The following TRPM1 variants were observed in gnomAD, a reference collection of about 807,000 sequenced individuals.
The protein encoded by TRPM1 is TRPM1-203 APA Isoform, Intron 10.
A neutral mutation model predicts 149.4 loss-of-function variants in TRPM1; 113 were observed. The ratio of observed to expected loss-of-function variants is 0.76; its 90% CI spans 0.65 to 0.88. The LOEUF (loss-of-function observed/expected upper bound fraction) is 0.88. Ranked by LOEUF, TRPM1 falls within the 40% of genes least tolerant of loss-of-function variation. TRPM1 has a pLI of 0.00. For synonymous variants in TRPM1, 741 were observed against 759.5 expected (o/e 0.98, Z 0.40); for missense variants, 1,976 against 2,038.7 (o/e 0.97, Z 0.59).
intron 27 of TRPM1, among the ~76,000 whole-genome samples, chr15:31,016,804 C>T: frequency 6.6e-6 from 1 of 152,086 alleles, no homozygotes; most frequent in East Asian, 1.9e-4. Context: ...CTACTAAAGT[C>T]ACGAGGAGCC....
At chr15:31,071,244 T>G (rs1273364823) in intron 3 of TRPM1, among the ~76,000 whole-genome samples, 1 of 152,132 alleles carries the variant, frequency 6.6e-6, no homozygotes, top group Non-Finnish European at 1.5e-5. Context: ...GATGCCTTGG[T>G]GGAGATGGAA....
At chr15:31,034,289 G>A (rs1032821850) in intron 21 of TRPM1, among the ~76,000 whole-genome samples, 2 of 152,198 alleles carry the variant, frequency 1.3e-5, no homozygotes, top group Non-Finnish European at 2.9e-5. Context: ...ATGTGAGATG[G>A]TATCTGTTCT....
At chr15:31,110,909 C>T (rs112667621) in intron 1 of TRPM1, among the ~76,000 whole-genome samples, 1 of 150,658 alleles carries the variant, frequency 6.6e-6, no homozygotes, top group Admixed American at 6.6e-5. Flanking sequence ...CTCTCCCCCC[C>T]CTTCCCTCCC....
chr15:31,113,543 C>T (rs1212476911), intron 1 of TRPM1, among the ~76,000 whole-genome samples: 1 of 150,570 alleles, frequency 6.6e-6, no homozygotes, highest in African/African-American at 2.5e-5. Context: ...TTTCTTTGTA[C>T]TCCTAAAATG....
At chr15:31,105,275 A>T (rs2141019256), upstream of TRPM1, among the ~76,000 whole-genome samples, 1 of 152,308 alleles carries the variant, frequency 6.6e-6, no homozygotes, top group East Asian at 1.9e-4. Flanking sequence ...GATGTTTGGG[A>T]TCATCTTGTA....
At position 31,002,768 on chromosome 15, in the gene TRPM1, A is replaced by G. The variant is rs1166055655; in HGVS notation, c.3932T>C (p.Leu1311Pro). The stretch of plus-strand genomic sequence containing the variant: ...GACTCCTGTCCCTGGTGACGTGGAG[A>G]GAGATGTATCCTCAAATAATAACTC... The part of the protein sequence containing the change: ...GEELLFEDTS[L>P]STSPGTGVRK... Residue 1311 changes from leucine (L) to proline (P), a missense_variant, in exon 28 of 28, where the codon CTC (leucine) becomes CCC (proline). By Grantham distance (98) the Leu-to-Pro change is moderately conservative. Transcript: ENST00000256552. The G allele has an allele frequency of 6.2e-7, 1 of 1,614,186 alleles. No homozygotes were observed. Among genetic ancestry groups the G allele is most frequent in the Admixed American group, 1.7e-5 (1 of 60,028 alleles).
intron 1 of TRPM1, among the ~76,000 whole-genome samples, chr15:31,127,526 G>C (rs184226082): frequency 9.6e-4 from 146 of 152,326 alleles, no homozygotes; most frequent in Non-Finnish European, 1.6e-3. Flanking sequence ...TGGCAGCTGA[G>C]GGCAGCCCAG....
chr15:31,026,434 A>G, intron 26 of TRPM1, 163 bp from the exon 27 acceptor site: 5 of 873,208 alleles, frequency 5.7e-6, no homozygotes, highest in Middle Eastern at 6.3e-4. Context: ...AGGGGTTGTC[A>G]TACGCCCCAA....
intron 1 of TRPM1, 40 bp from the exon 2 acceptor site, chr15:31,081,478 G>T: frequency 2.3e-6 from 3 of 1,318,336 alleles, no homozygotes; most frequent in Non-Finnish European, 3.1e-6. Context: ...CACTTTGCCT[G>T]CAGCCTCTTT....
rs2032280888 is a variant in TRPM1 at position 31,014,180 on chromosome 15, TA to T, written c.3630-11111del. 2.6e-5 allele frequency among the ~76,000 whole-genome samples: 4 copies of T among 152,356 alleles called. No homozygotes were observed. The South Asian group carries it at 8.3e-4, about 32-fold the overall frequency. On this transcript the variant is annotated intron_variant, in intron 27 of 27. Coordinates refer to ENST00000256552, the MANE Select transcript of TRPM1 (RefSeq NM_001252024.2). The stretch of plus-strand genomic sequence containing the variant: ...CAGTTTTTCTCCCTAGTTTTTTGGT[TA>T]GTCTATTGTTTGCCCCAGCTGTCAT...
Position 31,026,057 on chromosome 15 carries a change from A to C in TRPM1, c.3629+82T>G, listed in dbSNP as rs1566995754. ...GAACTCGGAGTGCATGTTTAAATGA[A>C]CTCTGGCATCCCCCATAGAGTGGGG... is the stretch of plus-strand genomic sequence containing the variant. On this transcript the variant is annotated intron_variant, in intron 27 of 27. Coordinates refer to ENST00000256552, the MANE Select transcript of TRPM1 (RefSeq NM_001252024.2). 6 of 1,581,386 alleles carry C rather than the reference A, an allele frequency of 3.8e-6. No homozygotes were observed. In the African/African-American group the frequency reaches 4.0e-5, roughly 11 times the overall value.
At chr15:31,149,640 C>T (rs2036269190) in intron 1 of TRPM1, among the ~76,000 whole-genome samples, 1 of 152,010 alleles carries the variant, frequency 6.6e-6, no homozygotes, top group East Asian at 1.9e-4. Flanking sequence ...CTGCCTCAGC[C>T]TCCCGAGTAG....
chr15:31,012,029 G>A (rs1012742747), intron 27 of TRPM1, among the ~76,000 whole-genome samples: 1 of 152,006 alleles, frequency 6.6e-6, no homozygotes, highest in Admixed American at 6.6e-5. Context: ...CTCCCCCCAT[G>A]TTATTCTGTT....
Position 31,038,054 on chromosome 15 carries a change from T to C in TRPM1, c.2429A>G (p.Glu810Gly), listed in dbSNP as rs940968387. The change falls in exon 19 of 28, where the codon GAG becomes GGG. Residue 810 changes from glutamate (E) to glycine (G), a missense_variant. Glu to Gly is a moderately conservative substitution (Grantham distance 98). Transcript: ENST00000256552. The stretch of plus-strand genomic sequence containing the variant: ...AAGTGTGTCACTGACCGTATTTTCC[T>C]CTTCTTTTTCTTTGCCATCCTCATT... ...KENEDGKEKE[E>G]ENTDANADAG... The C allele has an allele frequency of 1.9e-6, 3 of 1,614,090 alleles. No homozygotes were observed. Among genetic ancestry groups the C allele is most frequent in the Admixed American group, 1.7e-5 (1 of 60,010 alleles).
chr15:31,069,694 C>A (rs1478747133), intron 4 of TRPM1: 2 of 1,417,488 alleles, frequency 1.4e-6, no homozygotes, highest in African/African-American at 2.9e-5. Flanking sequence ...AAGGGGGCTG[C>A]AGGTCCACAG....
At chr15:31,140,377 T>TAAA (rs200856663) in intron 1 of TRPM1, among the ~76,000 whole-genome samples, 1 of 146,478 alleles carries the variant, frequency 6.8e-6, no homozygotes. Flanking sequence ...AGAATCCGTC[T>TAAA]AAAAAAAAAA....
intron 1 of TRPM1, among the ~76,000 whole-genome samples, chr15:31,088,088 G>T (rs1055985177): frequency 6.6e-6 from 1 of 152,220 alleles, no homozygotes; most frequent in Non-Finnish European, 1.5e-5. Context: ...TCTGGGTCGG[G>T]TGGGGACTTG....
At chr15:31,156,037 A>C (rs1276168329) in intron 1 of TRPM1, among the ~76,000 whole-genome samples, 2 of 151,828 alleles carry the variant, frequency 1.3e-5, no homozygotes, top group African/African-American at 2.4e-5. Flanking sequence ...TCTCTACTAA[A>C]AATACAAAAA....
intron 1 of TRPM1, among the ~76,000 whole-genome samples, chr15:31,148,830 A>G (rs1291478149): frequency 6.6e-6 from 1 of 152,198 alleles, no homozygotes. Flanking sequence ...GGGTAGCCTC[A>G]GTTCTGCCGT....
Sources: allele counts gnomAD v4.1 joint callset (sites outside exome capture counted in the v4.1 genomes callset), GRCh38; gene constraint gnomAD v4.1.1; transcripts MANE v1.5; gene names NCBI Gene and HGNC (gene_info 2026-07-23, HGNC 2026-07-21).